Variants in CFAP20DC observed in about 807,000 individuals in gnomAD.
CFAP20DC encodes CFAP20 domain containing.
In CFAP20DC, 84 loss-of-function variants were observed where a neutral mutation model predicts 101.7. The observed-to-expected ratio is 0.83, with a 90% confidence interval of 0.69 to 0.99. The LOEUF (loss-of-function observed/expected upper bound fraction) is 0.99. Among genes scored for constraint, CFAP20DC ranks in the 50% least tolerant of loss-of-function variants. The pLI, the probability that CFAP20DC is intolerant of heterozygous loss-of-function variation, is 0.00. For synonymous variants in CFAP20DC, 359 were observed against 351.2 expected (o/e 1.02, Z -0.25); for missense variants, 1,007 against 970.3 (o/e 1.04, Z -0.50).
At chr3:58,817,629 A>G (rs1421845933) in intron 14 of CFAP20DC, among the ~76,000 whole-genome samples, 15 of 144,664 alleles carry the variant, frequency 1.0e-4, no homozygotes, top group Admixed American at 2.8e-4. Context: ...TCCAAGAAAT[A>G]TGGGACTATG....
rs952724294 is a variant in CFAP20DC at position 59,007,989 on chromosome 3, T to C, written c.278+31568A>G. ...CCCAACAGACAGGCAGCCTCTGTGA[T>C]CATGAAAGGCATTAGAGAAAGGGTC... On this transcript the variant is annotated intron_variant, in intron 4 of 16. Transcript: ENST00000482387. This position sits in a 1 kb window ranked among gnomAD's most constrained non-coding sequence, Gnocchi z 4.4. Among the ~76,000 whole-genome samples the C allele has an allele frequency of 6.6e-6, 1 of 152,156 alleles. No individual in the cohort carries two copies. Among genetic ancestry groups the C allele is most frequent in the Non-Finnish European group, 1.5e-5 (1 of 68,018 alleles).
chr3:58,838,730 G>C (rs777673968), intron 13 of CFAP20DC, among the ~76,000 whole-genome samples: 7 of 152,136 alleles, frequency 4.6e-5, no homozygotes, highest in Non-Finnish European at 8.8e-5. Flanking sequence ...CTGACAAATA[G>C]AGCTGAACTC....
intron 3 of CFAP20DC, among the ~76,000 whole-genome samples, chr3:58,731,432 T>G (rs1301777672): frequency 6.6e-6 from 1 of 152,170 alleles, no homozygotes; most frequent in Non-Finnish European, 1.5e-5. Flanking sequence ...TCAGAACAAG[T>G]GGAGGGCTGA....
chr3:58,810,697 T>G (rs2074542165), intron 14 of CFAP20DC, among the ~76,000 whole-genome samples: 1 of 148,410 alleles, frequency 6.7e-6, no homozygotes, highest in Admixed American at 6.6e-5. Context: ...TTGGAAGTTC[T>G]GGCCAGGGCA....
rs1003209827 is a variant in CFAP20DC at position 58,863,564 on chromosome 3, A to G, written c.1587T>C (p.Ser529=). The G allele has an allele frequency of 1.2e-6, 2 of 1,613,898 alleles. No individual in the cohort carries two copies. The highest frequency in any genetic ancestry group is 1.7e-5 in the Admixed American group (1 of 60,008). The change falls in exon 12 of 17, where the codon AGT becomes AGC. Residue 529 remains serine, a synonymous_variant. Transcript: ENST00000482387. The surrounding 1 kb of genome is among the most constrained non-coding windows in gnomAD (Gnocchi z 5.9). The stretch of plus-strand genomic sequence containing the variant: ...CACTTATCAAGCAGTGTACCTCTTC[A>G]CTGCTGTCGCCGCCGTAAAAATCAT... ...SEDDFYGGDS[S]EEGNHSIQGS...
intron 4 of CFAP20DC, among the ~76,000 whole-genome samples, chr3:59,000,131 A>T (rs1053776635): frequency 3.3e-5 from 5 of 152,160 alleles, no homozygotes; most frequent in Admixed American, 6.5e-5. Context: ...TCCTTTAAAA[A>T]CTTTTGTCTT....
intron 4 of CFAP20DC, among the ~76,000 whole-genome samples, chr3:59,028,338 G>C (rs745544092): frequency 2.6e-5 from 4 of 152,152 alleles, no homozygotes; most frequent in Non-Finnish European, 5.9e-5. Flanking sequence ...AAAGATTTCA[G>C]TAAAGTCCTT....
At chr3:58,743,285 A>G (rs2067983597) in intron 16 of CFAP20DC, among the ~76,000 whole-genome samples, 1 of 151,652 alleles carries the variant, frequency 6.6e-6, no homozygotes, top group African/African-American at 2.4e-5. Context: ...AAAAAAAAAC[A>G]ACTGTTCTAC....
At chr3:58,790,688 T>G (rs954050800) in intron 15 of CFAP20DC, among the ~76,000 whole-genome samples, 2 of 152,208 alleles carry the variant, frequency 1.3e-5, no homozygotes, top group African/African-American at 2.4e-5. Flanking sequence ...TGAATGTGAT[T>G]TAAGCAATGT....
At chr3:58,921,895 C>T (rs891590866) in intron 5 of CFAP20DC, among the ~76,000 whole-genome samples, 1 of 152,158 alleles carries the variant, frequency 6.6e-6, no homozygotes, top group African/African-American at 2.4e-5. Context: ...GATGTGTGCA[C>T]ATTTAGCACT....
downstream of CFAP20DC, among the ~76,000 whole-genome samples, chr3:58,741,782 A>C (rs1054761149): frequency 6.6e-6 from 1 of 152,102 alleles, no homozygotes; most frequent in Non-Finnish European, 1.5e-5. Flanking sequence ...AAAGAAAAAT[A>C]CAGTGCTAAG....
At position 58,742,039 on chromosome 3, in the gene CFAP20DC, C is replaced by T. The variant is rs917546333; in HGVS notation, c.*421G>A. 1.0e-6 allele frequency: 1 copy of T among 957,360 alleles called. No homozygotes were observed. The highest frequency in any genetic ancestry group is 1.2e-6 in the Non-Finnish European group (1 of 804,076). The allele number at this position is 957,360 out of a possible 1,614,324, so 59.3% of individuals were successfully genotyped here. A position where few individuals can be genotyped will look rare whatever the true frequency, so the allele number is the denominator to read the frequency against. ...TTACCATCATACTTTATTTTTAATACAAATGCCATAAAATAAAAGGTACCC... is the reference window on the plus strand; with the variant it reads ...TTACCATCATACTTTATTTTTAATATAAATGCCATAAAATAAAAGGTACCC... On this transcript the variant is annotated 3_prime_UTR_variant, in exon 17 of 17. Coordinates refer to ENST00000482387, the MANE Select transcript of CFAP20DC (RefSeq NM_001394063.1).
At chr3:58,866,379 T>C (rs1427732893) in intron 11 of CFAP20DC, among the ~76,000 whole-genome samples, 187 bp downstream of exon 11, 1 of 152,028 alleles carries the variant, frequency 6.6e-6, no homozygotes, top group Non-Finnish European at 1.5e-5. Context: ...AACTTGAAAA[T>C]AAAAAAATAC....
At chr3:58,967,044 C>T (rs2108307106) in intron 4 of CFAP20DC, among the ~76,000 whole-genome samples, 1 of 152,220 alleles carries the variant, frequency 6.6e-6, no homozygotes, top group South Asian at 2.1e-4. Context: ...ATGCAAAGGA[C>T]CCAGAGCAAT....
chr3:58,765,507 A>AAAAAAAACAAAAAAAAAAAAAAAAC (rs1553651634), intron 15 of CFAP20DC, among the ~76,000 whole-genome samples: 1 of 146,586 alleles, frequency 6.8e-6, no homozygotes, highest in African/African-American at 2.5e-5. Flanking sequence ...AAAAAAAAAA[A>AAAAAAAACAAAAAAAAAAAAAAAAC]CAAACAGAAA....
At chr3:58,791,452 G>A (rs1300316938) in intron 15 of CFAP20DC, among the ~76,000 whole-genome samples, 1 of 152,052 alleles carries the variant, frequency 6.6e-6, no homozygotes, top group East Asian at 1.9e-4. Context: ...TCTAGAGACA[G>A]TTTTTTAAAC....
rs368543813 is a variant in CFAP20DC, at chr3:59,049,616, A to C, written c.16T>G (p.Tyr6Asp). 6.5e-7 allele frequency: 1 copy of C among 1,536,042 alleles called. No individual in the cohort carries two copies. The highest frequency in any genetic ancestry group is 8.7e-7 in the Non-Finnish European group (1 of 1,146,838). Residue 6 changes from tyrosine (Y) to aspartate (D), a missense_variant, in exon 1 of 17, where the codon TAC becomes GAC. Tyr to Asp is a radical substitution (Grantham distance 160). Transcript: ENST00000482387. MFKNE[Y>D]QGGAFVEIFS... ...GGAGAACCGTTTCGGGTTACCTGGT[A>C]CTCATTTTTGAACATTCCCGCAGGG...
intron 4 of CFAP20DC, among the ~76,000 whole-genome samples, chr3:58,996,798 A>C (rs1355921184): frequency 6.6e-6 from 1 of 152,246 alleles, no homozygotes; most frequent in Non-Finnish European, 1.5e-5. Flanking sequence ...TGTAATGGCA[A>C]CTTTGAGTAG....
chr3:59,022,589 TG>T (rs2093822921), intron 4 of CFAP20DC, among the ~76,000 whole-genome samples: 1 of 152,090 alleles, frequency 6.6e-6, no homozygotes, highest in African/African-American at 2.4e-5. Flanking sequence ...AAAAAGAGAA[TG>T]GTAATGTCTA....
Sources: gnomAD v4.1 joint callset for allele counts (sites outside exome capture counted in the v4.1 genomes callset) on GRCh38, gnomAD v4.1.1 for gene constraint, Gnocchi (gnomAD v3.1) non-coding constraint, MANE v1.5 for transcripts, NCBI Gene and HGNC (gene_info 2026-07-23, HGNC 2026-07-21) for gene names.